Variants in PLEK observed in about 807,000 individuals in gnomAD.
The protein encoded by PLEK is platelet 47 kDa protein.
In PLEK, 25 loss-of-function variants were observed where a neutral mutation model predicts 43.9. The ratio of observed to expected loss-of-function variants is 0.57; its 90% CI spans 0.41 to 0.79. The LOEUF is 0.79. Among genes scored for constraint, PLEK ranks in the 30% least tolerant of loss-of-function variants. The pLI is 0.00. For synonymous variants in PLEK, 152 were observed against 144.4 expected (o/e 1.05, Z -0.38); for missense variants, 396 against 413.3 (o/e 0.96, Z 0.36).
At chr2:68,386,746 A>G in intron 5 of PLEK, 60 bp downstream of exon 5, 1 of 1,348,128 alleles carries the variant, frequency 7.4e-7, no homozygotes, top group Non-Finnish European at 1.1e-6. Context: ...CAGATTCTAG[A>G]TTGATTTCAG....
intron 1 of PLEK, among the ~76,000 whole-genome samples, chr2:68,379,547 A>G (rs1449134588): frequency 6.6e-6 from 1 of 152,132 alleles, no homozygotes; most frequent in African/African-American, 2.4e-5. Flanking sequence ...ATCATGTGTC[A>G]GATGTAGTTT....
chr2:68,383,559 A>G (rs1673675967), intron 4 of PLEK, among the ~76,000 whole-genome samples: 1 of 152,048 alleles, frequency 6.6e-6, no homozygotes, highest in Non-Finnish European at 1.5e-5. Context: ...TGGGCAAAGG[A>G]TGGTGAGGAC....
At chr2:68,370,200 A>G (rs1673372089) in intron 1 of PLEK, among the ~76,000 whole-genome samples, 1 of 152,236 alleles carries the variant, frequency 6.6e-6, no homozygotes. Context: ...AATTCCAGCC[A>G]TACATTGTAT....
intron 6 of PLEK, among the ~76,000 whole-genome samples, chr2:68,388,909 C>T (rs1673804726): frequency 6.6e-6 from 1 of 152,128 alleles, no homozygotes; most frequent in Non-Finnish European, 1.5e-5. Flanking sequence ...GAACAGAGTA[C>T]ACCACTGAGA....
chr2:68,385,553 C>T (rs1172989289), intron 4 of PLEK, among the ~76,000 whole-genome samples: 2 of 152,038 alleles, frequency 1.3e-5, no homozygotes, highest in East Asian at 1.9e-4. Flanking sequence ...CCCACCCACC[C>T]TTCACCTCCC....
chr2:68,392,034 G>A (rs1673869605), intron 6 of PLEK, among the ~76,000 whole-genome samples: 1 of 152,114 alleles, frequency 6.6e-6, no homozygotes, highest in Non-Finnish European at 1.5e-5. Context: ...CACAAATCCT[G>A]CCCTTAAAAC....
chr2:68,378,057 A>G (rs1673539243), intron 1 of PLEK, among the ~76,000 whole-genome samples: 1 of 152,218 alleles, frequency 6.6e-6, no homozygotes, highest in Non-Finnish European at 1.5e-5. Flanking sequence ...ATACATATGT[A>G]TTTAAAGATA....
At position 68,380,426 on chromosome 2, in the gene PLEK, G is replaced by C. The variant is rs1178107007; in HGVS notation, c.141G>C (p.Met47Ile). ...AAAGTGACAACAGCCCCAAAGGAAT[G>C]ATCCCGCTGAAAGGGAGCACTCTGA... Reference protein sequence around the residue: ...KKKSDNSPKGMIPLKGSTLTS... With the variant: ...KKKSDNSPKGIIPLKGSTLTS... Residue 47 changes from methionine (M) to isoleucine (I), a missense_variant, in exon 2 of 9, where the codon ATG (methionine) becomes ATC (isoleucine). Met to Ile is a conservative substitution (Grantham distance 10). Coordinates refer to ENST00000234313, the MANE Select transcript of PLEK (RefSeq NM_002664.3). 1.9e-6 allele frequency: 3 copies of C among 1,613,896 alleles called. No homozygotes were observed. Among genetic ancestry groups the C allele is most frequent in the Non-Finnish European group, 2.5e-6 (3 of 1,179,882 alleles).
At position 68,390,124 on chromosome 2, in the gene PLEK, G is replaced by A. The variant is rs79538278; in HGVS notation, c.762+1633G>A. 3.5e-3 allele frequency among the ~76,000 whole-genome samples: 529 copies of A among 152,298 alleles called. 4 individuals carry two copies. The highest frequency in any genetic ancestry group is 0.012 in the African/African-American group (485 of 41,552). ...GAGACCTGGGATGGTCAAAAATTGT[G>A]TGTGGGTAATGAGTGTCTGGATGTA... On this transcript the variant is annotated intron_variant, in intron 6 of 8. Coordinates refer to ENST00000234313, the MANE Select transcript of PLEK (RefSeq NM_002664.3).
intron 1 of PLEK, among the ~76,000 whole-genome samples, chr2:68,366,059 G>T (rs1673266870): frequency 6.6e-6 from 1 of 152,118 alleles, no homozygotes; most frequent in South Asian, 2.1e-4. Context: ...TTTTCTTAGT[G>T]CTGTTTGTCT....
At chr2:68,384,792 G>A (rs1017905244) in intron 4 of PLEK, among the ~76,000 whole-genome samples, 5 of 152,214 alleles carry the variant, frequency 3.3e-5, no homozygotes, top group African/African-American at 1.2e-4. Context: ...CAGAGCAGTT[G>A]TAACTTTGGC....
intron 1 of PLEK, among the ~76,000 whole-genome samples, chr2:68,368,932 A>C (rs1468949839): frequency 6.6e-6 from 1 of 152,200 alleles, no homozygotes; most frequent in Admixed American, 6.5e-5. Context: ...GGGAAAGGGA[A>C]GGGCAAGCAG....
chr2:68,365,718 T>C (rs1049351336), intron 1 of PLEK: 4 of 241,610 alleles, frequency 1.7e-5, no homozygotes, highest in Admixed American at 1.0e-4. Flanking sequence ...TCAGAAGATA[T>C]ACTCCTCTTC....
chr2:68,369,327 C>T (rs974460072), intron 1 of PLEK, among the ~76,000 whole-genome samples: 1 of 152,084 alleles, frequency 6.6e-6, no homozygotes, highest in African/African-American at 2.4e-5. Flanking sequence ...GCAGTGTGGC[C>T]CCAGTATCAC....
chr2:68,369,504 A>G (rs376642844), intron 1 of PLEK, among the ~76,000 whole-genome samples: 1 of 132,992 alleles, frequency 7.5e-6, no homozygotes, highest in African/African-American at 2.8e-5. Flanking sequence ...TTTTTTTGAG[A>G]TGGAGTTTTG....
chr2:68,368,897 G>T (rs1462518627), intron 1 of PLEK, among the ~76,000 whole-genome samples: 2 of 152,280 alleles, frequency 1.3e-5, no homozygotes, highest in South Asian at 4.1e-4. Context: ...TTGAGGCTGG[G>T]AGAAAGCATA....
At chr2:68,369,209 G>A (rs1349820024) in intron 1 of PLEK, among the ~76,000 whole-genome samples, 1 of 152,184 alleles carries the variant, frequency 6.6e-6, no homozygotes, top group Non-Finnish European at 1.5e-5. Flanking sequence ...ACAAAATGGG[G>A]ACAATTATTA....
In PLEK at chr2:68,382,575, A is replaced by G; in HGVS notation, c.414A>G (p.Lys138=). The G allele has an allele frequency of 6.3e-7, 1 of 1,597,836 alleles. No homozygotes were observed. The highest frequency in any genetic ancestry group is 8.6e-7 in the Non-Finnish European group (1 of 1,165,418). ...ALYLSMKDTE[K]GIKELNLEKD... is the part of the protein sequence containing the mutation. ...ATTTGTCCATGAAAGACACTGAAAA[A>G]GGAATAAAAGAACTGAATCTAGAGA... Residue 138 remains lysine, a synonymous_variant, in exon 4 of 9, where the codon AAA becomes AAG. Coordinates refer to ENST00000234313, the MANE Select transcript of PLEK (RefSeq NM_002664.3).
At chr2:68,386,177 G>C (rs1401290368) in intron 4 of PLEK, among the ~76,000 whole-genome samples, 1 of 151,326 alleles carries the variant, frequency 6.6e-6, no homozygotes, top group Non-Finnish European at 1.5e-5. Flanking sequence ...ATGTTGCCTG[G>C]GCTGGTCTTG....
Sources: gnomAD v4.1 joint callset for allele counts (sites outside exome capture counted in the v4.1 genomes callset) on GRCh38, gnomAD v4.1.1 for gene constraint, MANE v1.5 for transcripts, NCBI Gene and HGNC (gene_info 2026-07-23, HGNC 2026-07-21) for gene names.